SPMIP7: variants seen among roughly 807,000 people sequenced by gnomAD.
The protein encoded by SPMIP7 is sperm microtubule inner protein 7.
the SPMIP7 span, among the ~76,000 whole-genome samples, chr7:50,145,276 A>AT: frequency 1.6e-4 from 25 of 151,808 alleles, no homozygotes; most frequent in East Asian, 4.9e-3. Context: ...AAAAAAAAAA[A>AT]GAATCCTGTT....
At chr7:50,144,145 G>T in the SPMIP7 span, among the ~76,000 whole-genome samples, 1 of 152,190 alleles carries the variant, frequency 6.6e-6, no homozygotes, top group African/African-American at 2.4e-5. Context: ...GAGGTTTGGT[G>T]AGCCAATGGT....
chr7:50,149,802 T>G, the SPMIP7 span, among the ~76,000 whole-genome samples: 6 of 152,164 alleles, frequency 3.9e-5, no homozygotes, highest in Non-Finnish European at 8.8e-5. Context: ...ATATGTATTT[T>G]CCCCCTAACA....
the SPMIP7 span, among the ~76,000 whole-genome samples, chr7:50,108,941 C>T: frequency 1.3e-5 from 2 of 152,134 alleles, no homozygotes; most frequent in Non-Finnish European, 2.9e-5. Flanking sequence ...CGTCTTAGCA[C>T]CTTAGACAGG....
At chr7:50,138,211 G>T in the SPMIP7 span, among the ~76,000 whole-genome samples, 1 of 152,040 alleles carries the variant, frequency 6.6e-6, no homozygotes, top group African/African-American at 2.4e-5. Flanking sequence ...ACATAAATAG[G>T]CAATTATGCT....
the SPMIP7 span, among the ~76,000 whole-genome samples, chr7:50,122,012 G>T: frequency 2.6e-5 from 4 of 152,000 alleles, no homozygotes; most frequent in South Asian, 6.2e-4. Flanking sequence ...GGATATATTT[G>T]GAGGTTAAAT....
At chr7:50,110,272 A>T in the SPMIP7 span, among the ~76,000 whole-genome samples, 1 of 151,446 alleles carries the variant, frequency 6.6e-6, no homozygotes, top group Non-Finnish European at 1.5e-5. Context: ...ATCAATGATA[A>T]TATCTTAAAA....
the SPMIP7 span, among the ~76,000 whole-genome samples, chr7:50,116,268 A>G: frequency 6.6e-6 from 1 of 152,060 alleles, no homozygotes; most frequent in African/African-American, 2.4e-5. Flanking sequence ...GGCATGCACC[A>G]CCATGCCCAG....
the SPMIP7 span, among the ~76,000 whole-genome samples, chr7:50,130,300 G>A: frequency 6.6e-6 from 1 of 152,062 alleles, no homozygotes; most frequent in Non-Finnish European, 1.5e-5. Context: ...CACATGGCTG[G>A]GGAGGCCTCA....
the SPMIP7 span, among the ~76,000 whole-genome samples, chr7:50,148,038 A>T: frequency 6.6e-6 from 1 of 152,152 alleles, no homozygotes; most frequent in Admixed American, 6.5e-5. Context: ...GCTGAAAAAT[A>T]ATATCTCCTA....
the SPMIP7 span, among the ~76,000 whole-genome samples, chr7:50,119,062 C>T: frequency 6.6e-6 from 1 of 152,288 alleles, no homozygotes; most frequent in South Asian, 2.1e-4. Flanking sequence ...ACAACCAGAC[C>T]TTTCAAAACC....
At chr7:50,137,613 C>T in the SPMIP7 span, among the ~76,000 whole-genome samples, 1 of 152,076 alleles carries the variant, frequency 6.6e-6, no homozygotes. Context: ...TGAGTTTCAA[C>T]AATGGAATCT....
At chr7:50,113,681 G>A in the SPMIP7 span, among the ~76,000 whole-genome samples, 103 of 151,958 alleles carry the variant, frequency 6.8e-4, no homozygotes, top group Admixed American at 1.6e-3. Context: ...CAGTTACTGC[G>A]GAACGGTATC....
the SPMIP7 span, among the ~76,000 whole-genome samples, chr7:50,116,941 C>T: frequency 2.0e-4 from 30 of 152,292 alleles, no homozygotes; most frequent in African/African-American, 7.2e-4. Flanking sequence ...CAATTCTCCT[C>T]TTGCCTGAGA....
the SPMIP7 span, among the ~76,000 whole-genome samples, chr7:50,124,387 G>A: frequency 6.6e-6 from 1 of 151,984 alleles, no homozygotes; most frequent in Admixed American, 6.6e-5. Flanking sequence ...TCACCTTCAG[G>A]TAGTTGATAT....
chr7:50,146,124 A>G, the SPMIP7 span, among the ~76,000 whole-genome samples: 2 of 152,234 alleles, frequency 1.3e-5, no homozygotes, highest in Non-Finnish European at 2.9e-5. Context: ...GTAGTTCCTT[A>G]GATCAGCCCA....
At chr7:50,101,523 T>C in the SPMIP7 span, among the ~76,000 whole-genome samples, 4 of 152,162 alleles carry the variant, frequency 2.6e-5, no homozygotes, top group African/African-American at 9.7e-5. Flanking sequence ...AATTGTTTGT[T>C]TTTCAAATAG....
the SPMIP7 span, among the ~76,000 whole-genome samples, chr7:50,098,838 T>TAG: frequency 6.6e-6 from 1 of 151,688 alleles, no homozygotes; most frequent in African/African-American, 2.4e-5. Flanking sequence ...CACACGAATC[T>TAG]GGGGGGATAC....
the SPMIP7 span, chr7:50,117,436 A>T: frequency 8.1e-6 from 2 of 247,068 alleles, no homozygotes; most frequent in African/African-American, 4.5e-5. Context: ...AAAAAAATAT[A>T]TTAAATTCCA....
the SPMIP7 span, among the ~76,000 whole-genome samples, chr7:50,113,227 C>A: frequency 6.1e-4 from 93 of 152,090 alleles, no homozygotes; most frequent in African/African-American, 2.1e-3. Flanking sequence ...GAAAAAAAAT[C>A]CAAAACTTAA....
Sources: gnomAD v4.1 joint callset for allele counts (sites outside exome capture counted in the v4.1 genomes callset) on GRCh38, gnomAD v4.1.1 for gene constraint, MANE v1.5 for transcripts, NCBI Gene and HGNC (gene_info 2026-07-23, HGNC 2026-07-21) for gene names.